COP1: variants seen among roughly 807,000 people sequenced by gnomAD.
The protein encoded by COP1 is COP1 E3 ubiquitin ligase.
A neutral mutation model predicts 101.3 loss-of-function variants in COP1; 24 were observed. That is an observed-to-expected ratio of 0.24 (90% CI 0.17 to 0.33). The LOEUF (loss-of-function observed/expected upper bound fraction) is 0.33. Ranked by LOEUF, COP1 falls within the 10% of genes least tolerant of loss-of-function variation. The pLI is 1.00. For synonymous variants in COP1, 347 were observed against 341.9 expected, an observed-to-expected ratio of 1.01 and a Z score of -0.17; for missense variants, 663 against 906.2, an observed-to-expected ratio of 0.73 and a Z score of 3.45.
At chr1:175,969,026 C>A (rs138250665) in intron 18 of COP1, among the ~76,000 whole-genome samples, 1 of 152,096 alleles carries the variant, frequency 6.6e-6, no homozygotes, top group South Asian at 2.1e-4. Context: ...AGCATAGAAC[C>A]GTGCATATTT....
At chr1:176,119,773 A>G (rs1373914611) in intron 8 of COP1, among the ~76,000 whole-genome samples, 4 of 152,156 alleles carry the variant, frequency 2.6e-5, no homozygotes, top group African/African-American at 9.7e-5. Context: ...TGGCAGTAAC[A>G]ATATCAATAG....
At chr1:176,066,979 C>A (rs1334443721) in intron 11 of COP1, among the ~76,000 whole-genome samples, 2 of 152,112 alleles carry the variant, frequency 1.3e-5, no homozygotes, top group Non-Finnish European at 2.9e-5. Context: ...ACACATGCAA[C>A]CCACTCATAT....
At chr1:176,114,157 C>G (rs1178051519) in intron 9 of COP1, among the ~76,000 whole-genome samples, 2 of 152,074 alleles carry the variant, frequency 1.3e-5, no homozygotes, top group East Asian at 3.9e-4. Flanking sequence ...GACTGCTATT[C>G]TCTCTCAAGT....
At chr1:176,193,481 C>G (rs910427693) in intron 1 of COP1, among the ~76,000 whole-genome samples, 1 of 152,094 alleles carries the variant, frequency 6.6e-6, no homozygotes, top group African/African-American at 2.4e-5. Flanking sequence ...TTCACGGGAA[C>G]ATTATTCATA....
intron 15 of COP1, among the ~76,000 whole-genome samples, chr1:175,995,832 G>T (rs890798006): frequency 1.3e-5 from 2 of 152,192 alleles, no homozygotes; most frequent in Admixed American, 6.5e-5. Context: ...GGAGGAACTG[G>T]TATCATTCCT....
At chr1:175,958,355 T>G (rs1650926860) in intron 18 of COP1, among the ~76,000 whole-genome samples, 2 of 106,458 alleles carry the variant, frequency 1.9e-5, no homozygotes, top group Non-Finnish European at 4.2e-5. Context: ...ACTATATTTA[T>G]GAGATCTCTG....
intron 15 of COP1, among the ~76,000 whole-genome samples, chr1:176,006,075 C>T (rs1451631469): frequency 2.0e-5 from 3 of 152,138 alleles, no homozygotes; most frequent in African/African-American, 4.8e-5. Context: ...GCTCTTCCTG[C>T]TGAATTGATC....
chr1:176,097,565 T>A (rs1048593284), intron 9 of COP1, among the ~76,000 whole-genome samples: 8 of 151,978 alleles, frequency 5.3e-5, no homozygotes, highest in African/African-American at 1.2e-4. Flanking sequence ...CTCTTTTTTT[T>A]ATAGAGCTTT....
intron 5 of COP1, 86 bp downstream of exon 5, chr1:176,162,783 T>C (rs1694532975): frequency 8.6e-7 from 1 of 1,159,406 alleles, no homozygotes; most frequent in East Asian, 2.4e-5. Flanking sequence ...AGTGAAGCTA[T>C]CCTATTATTT....
chr1:176,174,706 C>T (rs1696658991), intron 3 of COP1, among the ~76,000 whole-genome samples: 1 of 152,130 alleles, frequency 6.6e-6, no homozygotes. Context: ...AATCAAACTG[C>T]CACCAAAGTA....
intron 9 of COP1, among the ~76,000 whole-genome samples, chr1:176,100,091 T>C (rs1037657056): frequency 6.6e-6 from 1 of 152,192 alleles, no homozygotes; most frequent in African/African-American, 2.4e-5. Context: ...ATTTGTTTTT[T>C]AACAAAAATA....
intron 6 of COP1, among the ~76,000 whole-genome samples, chr1:176,143,164 G>GAGA: frequency 6.6e-6 from 1 of 151,582 alleles, no homozygotes; most frequent in South Asian, 2.1e-4. Flanking sequence ...GAGAGAGAGA[G>GAGA]GAACAAGCAA....
intron 5 of COP1, among the ~76,000 whole-genome samples, chr1:176,149,711 C>T (rs1361091663): frequency 6.6e-6 from 1 of 151,928 alleles, no homozygotes; most frequent in Non-Finnish European, 1.5e-5. Flanking sequence ...GTATAATAAG[C>T]CTTGACATTT....
chr1:175,960,549 G>T (rs1651212734), intron 18 of COP1, among the ~76,000 whole-genome samples: 2 of 152,140 alleles, frequency 1.3e-5, no homozygotes, highest in Non-Finnish European at 2.9e-5. Flanking sequence ...GAGGCTAAAA[G>T]AAGAGTTTAA....
intron 1 of COP1, among the ~76,000 whole-genome samples, chr1:176,203,358 A>G (rs1303150032): frequency 6.6e-6 from 1 of 152,138 alleles, no homozygotes. Context: ...AAAAAAGTCA[A>G]CCTTCTCATA....
intron 11 of COP1, among the ~76,000 whole-genome samples, chr1:176,080,591 C>G (rs1678932825): frequency 6.6e-6 from 1 of 152,068 alleles, no homozygotes; most frequent in African/African-American, 2.4e-5. Flanking sequence ...AATCATCATA[C>G]AATCCAAAGA....
chr1:176,061,425 G>C (rs1194491147), intron 11 of COP1, among the ~76,000 whole-genome samples: 1 of 152,102 alleles, frequency 6.6e-6, no homozygotes, highest in African/African-American at 2.4e-5. Flanking sequence ...TCAGGAGTTC[G>C]AGATCAGCCT....
intron 1 of COP1, among the ~76,000 whole-genome samples, chr1:176,195,578 C>T (rs1046010205): frequency 1.3e-5 from 2 of 151,832 alleles, no homozygotes; most frequent in African/African-American, 2.4e-5. Context: ...GACCATGAAA[C>T]GAGTCTCTAT....
intron 9 of COP1, among the ~76,000 whole-genome samples, chr1:176,086,260 C>T (rs1428099540): frequency 2.2e-5 from 3 of 135,820 alleles, no homozygotes; most frequent in African/African-American, 2.8e-5. Context: ...GAGTCTCACT[C>T]TGTCGCCCAG....
Sources: gnomAD v4.1 joint callset for allele counts (sites outside exome capture counted in the v4.1 genomes callset) on GRCh38, gnomAD v4.1.1 for gene constraint, MANE v1.5 for transcripts, NCBI Gene and HGNC (gene_info 2026-07-23, HGNC 2026-07-21) for gene names.